COL8A1: variants seen among roughly 807,000 people sequenced by gnomAD.
The protein encoded by COL8A1 is collagen alpha-1(VIII) chain.
Under a neutral mutation model 42.7 loss-of-function variants are expected in COL8A1, and 21 were observed. That is an observed-to-expected ratio of 0.49 (90% CI 0.35 to 0.71). The LOEUF is 0.71. COL8A1 is among the 30% of genes least tolerant of loss of function. The pLI is 0.01. For synonymous variants in COL8A1, 367 were observed against 369.1 expected (o/e 0.99, Z 0.06); for missense variants, 788 against 962.4 (o/e 0.82, Z 2.40).
chr3:99,739,304 A>C (rs1940831042), intron 1 of COL8A1, among the ~76,000 whole-genome samples: 1 of 152,120 alleles, frequency 6.6e-6, no homozygotes, highest in African/African-American at 2.4e-5. Context: ...CCAGGTGCAC[A>C]ATGCAAGCTG....
At chr3:99,731,623 G>GATCTGATCTA (rs1381455314) in intron 1 of COL8A1, among the ~76,000 whole-genome samples, 2 of 152,154 alleles carry the variant, frequency 1.3e-5, no homozygotes, top group Non-Finnish European at 2.9e-5. Flanking sequence ...CATCTGCTGT[G>GATCTGATCTA]CACAGAGTAG....
intron 2 of COL8A1, among the ~76,000 whole-genome samples, chr3:99,746,024 G>A (rs1371792554): frequency 6.6e-6 from 1 of 152,082 alleles, no homozygotes; most frequent in Non-Finnish European, 1.5e-5. Context: ...ATAATTAAAA[G>A]AATGAATTGC....
intron 1 of COL8A1, among the ~76,000 whole-genome samples, chr3:99,674,332 C>CTCCA (rs1268956933): frequency 1.3e-5 from 2 of 151,854 alleles, no homozygotes; most frequent in African/African-American, 4.8e-5. Flanking sequence ...GCCTTGCTTA[C>CTCCA]TCCACCCTGT....
chr3:99,725,846 G>A (rs1427525991), intron 1 of COL8A1, among the ~76,000 whole-genome samples: 1 of 151,922 alleles, frequency 6.6e-6, no homozygotes, highest in Non-Finnish European at 1.5e-5. Context: ...CCAAGTCTTT[G>A]CTATTGTGAA....
chr3:99,644,796 C>CT (rs1322713746), intron 1 of COL8A1, among the ~76,000 whole-genome samples: 15 of 152,172 alleles, frequency 9.9e-5, no homozygotes, highest in Admixed American at 8.5e-4. Flanking sequence ...TTTTCCAACT[C>CT]TAACTAAATA....
At chr3:99,782,724 T>C (rs879453941) in intron 2 of COL8A1, among the ~76,000 whole-genome samples, 9 of 152,268 alleles carry the variant, frequency 5.9e-5, no homozygotes, top group Admixed American at 2.0e-4. Flanking sequence ...TGTGGATATG[T>C]TCTTCACATT....
Position 99,794,310 on chromosome 3 carries a change from T to A in COL8A1, c.409T>A (p.Leu137Met), listed in dbSNP as rs749806229. ...GPRGPPGPPG[L>M]PGHGIPGIKG... is the part of the protein sequence containing the mutation. The stretch of plus-strand genomic sequence containing the variant: ...AAGAGGACCACCTGGGCCCCCTGGT[T>A]TGCCAGGTCATGGGATACCTGGAAT... The change falls in exon 4 of 4, where the codon TTG (leucine) becomes ATG (methionine). Residue 137 changes from leucine (L) to methionine (M), a missense_variant. Coordinates refer to ENST00000652472, the MANE Select transcript of COL8A1 (RefSeq NM_020351.4). The surrounding 1 kb of genome is among the most constrained non-coding windows in gnomAD (Gnocchi z 4.3). 1 of 1,613,238 alleles carries A rather than the reference T, an allele frequency of 6.2e-7. No individual in the cohort carries two copies.
At chr3:99,730,713 G>A (rs1006949007) in intron 1 of COL8A1, among the ~76,000 whole-genome samples, 1 of 152,128 alleles carries the variant, frequency 6.6e-6, no homozygotes, top group Admixed American at 6.6e-5. Context: ...AGAAGTGAAC[G>A]TTATTCATTT....
rs552931864 is a variant in COL8A1, at chr3:99,774,129, G to A, written c.-3-16551G>A. Among the ~76,000 whole-genome samples the A allele has an allele frequency of 2.1e-4, 31 of 150,946 alleles. No individual in the cohort carries two copies. The South Asian group carries it at 5.7e-3, about 28-fold the overall frequency. On this transcript the variant is annotated intron_variant, in intron 2 of 3. Coordinates refer to ENST00000652472, the MANE Select transcript of COL8A1 (RefSeq NM_020351.4). The stretch of plus-strand genomic sequence containing the variant: ...CAAAGTGCTGGGATTACAGGCTTGA[G>A]CCACCACGCCCAACCCGATAGACAT...
intron 1 of COL8A1, among the ~76,000 whole-genome samples, chr3:99,721,210 G>A (rs1368444267): frequency 1.3e-5 from 2 of 151,968 alleles, no homozygotes; most frequent in African/African-American, 4.8e-5. Flanking sequence ...AAGTGCAAAT[G>A]TTACTCAGGG....
intron 1 of COL8A1, among the ~76,000 whole-genome samples, chr3:99,707,884 T>A (rs1412736780): frequency 6.6e-6 from 1 of 152,134 alleles, no homozygotes; most frequent in Non-Finnish European, 1.5e-5. Flanking sequence ...AATAACCCCA[T>A]GAGACAGATA....
chr3:99,704,989 G>T (rs960681890), intron 1 of COL8A1, among the ~76,000 whole-genome samples: 3 of 152,102 alleles, frequency 2.0e-5, no homozygotes, highest in African/African-American at 2.4e-5. Context: ...AGAAGTTTGG[G>T]AAATAATATA....
intron 1 of COL8A1, among the ~76,000 whole-genome samples, chr3:99,717,474 T>G (rs61463217): frequency 6.6e-6 from 1 of 152,026 alleles, no homozygotes; most frequent in Non-Finnish European, 1.5e-5. Flanking sequence ...GAGTTTAGTC[T>G]GAAAATCTAG....
At chr3:99,678,747 A>G (rs1938777197) in intron 1 of COL8A1, 1 of 152,206 alleles carries the variant, frequency 6.6e-6, no homozygotes, top group Admixed American at 6.6e-5. Context: ...TTACAAAAAT[A>G]GTTACTAATG....
chr3:99,743,981 T>C (rs1249785543), intron 1 of COL8A1, among the ~76,000 whole-genome samples: 1 of 150,854 alleles, frequency 6.6e-6, no homozygotes, highest in East Asian at 1.9e-4. Context: ...CAGGCTGGAG[T>C]GCAGTGGCGC....
chr3:99,649,407 T>C (rs766956318), intron 1 of COL8A1, among the ~76,000 whole-genome samples: 4 of 152,094 alleles, frequency 2.6e-5, no homozygotes, highest in Non-Finnish European at 5.9e-5. Context: ...GGTAGGGGAA[T>C]AAAATAAGTT....
In COL8A1 at chr3:99,763,414, C is replaced by A. The variant is rs139608722; in HGVS notation, c.-4+18393C>A. 1.6e-3 allele frequency among the ~76,000 whole-genome samples: 239 copies of A among 152,188 alleles called. 1 individual carries two copies. The highest frequency in any genetic ancestry group is 5.7e-3 in the African/African-American group (235 of 41,516). ...GATAGGCTGTGCACCTCCTGCCTGT[C>A]TAAACCTCTGAATCCACTCCTGCCT... On this transcript the variant is annotated intron_variant, in intron 2 of 3. Coordinates refer to ENST00000652472, the MANE Select transcript of COL8A1 (RefSeq NM_020351.4).
intron 1 of COL8A1, among the ~76,000 whole-genome samples, chr3:99,731,457 T>C (rs892204234): frequency 6.6e-6 from 1 of 151,978 alleles, no homozygotes; most frequent in Non-Finnish European, 1.5e-5. Context: ...GAGGTCAAGG[T>C]TGGAAAGAAG....
intron 1 of COL8A1, among the ~76,000 whole-genome samples, chr3:99,645,358 G>T (rs1284262118): frequency 6.6e-6 from 1 of 152,138 alleles, no homozygotes; most frequent in Admixed American, 6.6e-5. Context: ...CTAAGAATTT[G>T]TGAGTTAGGT....
Sources: gnomAD v4.1 joint callset for allele counts (sites outside exome capture counted in the v4.1 genomes callset) on GRCh38, gnomAD v4.1.1 for gene constraint, Gnocchi (gnomAD v3.1) non-coding constraint, MANE v1.5 for transcripts, NCBI Gene and HGNC (gene_info 2026-07-23, HGNC 2026-07-21) for gene names.